TIMP2: variants seen among roughly 807,000 people sequenced by gnomAD.
TIMP2 encodes the protein TIMP metallopeptidase inhibitor 2.
Under a neutral mutation model 24.3 loss-of-function variants are expected in TIMP2, and 5 were observed. That is an observed-to-expected ratio of 0.21 (90% CI 0.11 to 0.43). TIMP2 has a LOEUF of 0.43. TIMP2 is among the 20% of genes least tolerant of loss of function. The probability of loss-of-function intolerance (pLI) is 1.00; values close to 1 mark genes in which losing one functional copy is unlikely to be tolerated. For missense variants in TIMP2, 221 were observed against 297.5 expected (o/e 0.74, Z 1.89); for synonymous variants, 130 against 123.2 (o/e 1.06, Z -0.37).
intron 1 of TIMP2, among the ~76,000 whole-genome samples, chr17:78,889,535 G>A (rs1282089145): frequency 6.6e-6 from 1 of 152,240 alleles, no homozygotes; most frequent in Non-Finnish European, 1.5e-5. Flanking sequence ...TAATGTCTCA[G>A]CCTTGGCTAA....
At chr17:78,905,594 G>A (rs919317247) in intron 1 of TIMP2, among the ~76,000 whole-genome samples, 6 of 152,216 alleles carry the variant, frequency 3.9e-5, no homozygotes, top group African/African-American at 1.4e-4. Flanking sequence ...CTAGGCCTTC[G>A]ATGGCCCTTG....
chr17:78,885,126 G>A (rs186967204), intron 1 of TIMP2, among the ~76,000 whole-genome samples: 41 of 152,336 alleles, frequency 2.7e-4, no homozygotes, highest in Non-Finnish European at 5.0e-4. Flanking sequence ...GGACCAACAG[G>A]GCGACCCACG....
chr17:78,912,409 G>C (rs754791988), intron 1 of TIMP2, among the ~76,000 whole-genome samples: 19 of 152,160 alleles, frequency 1.2e-4, no homozygotes, highest in Non-Finnish European at 2.2e-4. Context: ...AGATCAGAAA[G>C]GGCCAAATAA....
chr17:78,914,177 C>T (rs8080283), intron 1 of TIMP2, among the ~76,000 whole-genome samples: 67,869 of 151,936 alleles, frequency 0.45, 15,404 homozygotes, highest in Middle Eastern at 0.5. Context: ...CTTGAGTCCT[C>T]AGAGGCACAG....
chr17:78,856,003 G>A (rs953322516), intron 4 of TIMP2, 139 bp from the exon 5 acceptor site: 2 of 855,166 alleles, frequency 2.3e-6, no homozygotes, highest in Non-Finnish European at 3.7e-6. Flanking sequence ...CGAGACCCAC[G>A]GTTCCTGCAG....
intron 1 of TIMP2, chr17:78,901,780 C>T (rs1435263645): frequency 2.8e-6 from 2 of 717,108 alleles, no homozygotes; most frequent in Admixed American, 2.0e-5. Context: ...AGGGGTGGTA[C>T]TTACTGTGTG....
At position 78,894,381 on chromosome 17, in the gene TIMP2, C is replaced by T. The variant is rs1389490685; in HGVS notation, c.131-20462G>A. Among the ~76,000 whole-genome samples the T allele has an allele frequency of 3.3e-5, 5 of 152,074 alleles. No homozygotes were observed. In the East Asian group the frequency reaches 9.7e-4, roughly 29 times the overall value. The stretch of plus-strand genomic sequence containing the variant: ...TAAGTCTTCTAGTGGGAGGTCCTTG[C>T]ACCTCTTGGTAAATCAGATCACACA... On this transcript the variant is annotated intron_variant, in intron 1 of 4. Coordinates refer to ENST00000262768, the MANE Select transcript of TIMP2 (RefSeq NM_003255.5).
chr17:78,855,756 C>G lies in TIMP2; in HGVS notation c.574G>C (p.Ala192Pro). ...GAGCCGTCACTTCTCTTGATGCAGG[C>G]GAAGAACTTGGCCTGGTGCCCGTTG... ...NINGHQAKFF[A>P]CIKRSDGSCA... The change falls in exon 5 of 5, where the codon GCC (alanine) becomes CCC (proline). Residue 192 changes from alanine (A) to proline (P), a missense_variant. Ala to Pro is a conservative substitution (Grantham distance 27). Coordinates refer to ENST00000262768, the MANE Select transcript of TIMP2 (RefSeq NM_003255.5). The surrounding 1 kb of genome is among the most constrained non-coding windows in gnomAD (Gnocchi z 6.0). 1 of 1,614,172 alleles carries G rather than the reference C, an allele frequency of 6.2e-7. No homozygotes were observed. The highest frequency in any genetic ancestry group is 1.1e-5 in the South Asian group (1 of 91,084).
At chr17:78,889,468 T>C (rs1225037005) in intron 1 of TIMP2, among the ~76,000 whole-genome samples, 2 of 152,226 alleles carry the variant, frequency 1.3e-5, no homozygotes, top group African/African-American at 4.8e-5. Context: ...TTAAACAATG[T>C]TGGTTTTGTT....
At chr17:78,893,410 T>C (rs58034643) in intron 1 of TIMP2, among the ~76,000 whole-genome samples, 2,038 of 90,774 alleles carry the variant, frequency 0.022, 104 homozygotes, top group African/African-American at 0.16. Context: ...GGGGTGTGTG[T>C]GCATAGGGGT....
intron 1 of TIMP2, among the ~76,000 whole-genome samples, chr17:78,910,024 G>A (rs1261364001): frequency 6.6e-6 from 1 of 152,090 alleles, no homozygotes; most frequent in African/African-American, 2.4e-5. Context: ...ACACATAATT[G>A]TAATATTTAT....
At chr17:78,915,446 C>T (rs1165840981) in intron 1 of TIMP2, among the ~76,000 whole-genome samples, 1 of 152,122 alleles carries the variant, frequency 6.6e-6, no homozygotes, top group African/African-American at 2.4e-5. Flanking sequence ...CCATTCATCC[C>T]CAAGCCAGTA....
Position 78,892,126 on chromosome 17 carries a change from G to A in TIMP2, c.131-18207C>T, listed in dbSNP as rs773726980. On this transcript the variant is annotated intron_variant, in intron 1 of 4. Transcript: ENST00000262768. Reference sequence around the variant, plus strand: ...CTGACTGCAGCCTGTCCAGGCCACCGACGTGCAGGTGCTGTGCCTCCTGAT... The same window carrying A: ...CTGACTGCAGCCTGTCCAGGCCACCAACGTGCAGGTGCTGTGCCTCCTGAT... The A allele has an allele frequency of 3.8e-5, 59 of 1,550,990 alleles. No individual in the cohort carries two copies. In the Middle Eastern group the frequency reaches 1.0e-3, roughly 26 times the overall value.
At chr17:78,915,526 CT>C (rs11296863) in intron 1 of TIMP2, among the ~76,000 whole-genome samples, 83,549 of 146,950 alleles carry the variant, frequency 0.57, 23,577 homozygotes, top group Middle Eastern at 0.65. Context: ...TTTTTTTCTT[CT>C]TTTTTTTTTT....
chr17:78,872,271 A>G (rs554145931), intron 2 of TIMP2, among the ~76,000 whole-genome samples: 2 of 152,110 alleles, frequency 1.3e-5, no homozygotes, highest in East Asian at 3.9e-4. Flanking sequence ...GATTACAGGC[A>G]TAAGTCACTC....
At chr17:78,859,701 A>C (rs990967964) in intron 3 of TIMP2, among the ~76,000 whole-genome samples, 2 of 150,150 alleles carry the variant, frequency 1.3e-5, no homozygotes, top group African/African-American at 4.9e-5. Context: ...AATAAAAACT[A>C]ATCTTTCAGG....
rs935743754 is a variant in TIMP2 at position 78,854,943 on chromosome 17, T to C, written c.*724A>G. On this transcript the variant is annotated 3_prime_UTR_variant, in exon 5 of 5. Transcript: ENST00000262768. ...GGGCGGGGGGGGGGGGGTGGGGGGGTGGGTGCAGACCAAAAAGACTCAGCT... is the reference window on the plus strand; with the variant it reads ...GGGCGGGGGGGGGGGGGTGGGGGGGCGGGTGCAGACCAAAAAGACTCAGCT... 4.2e-3 allele frequency: 111 copies of C among 26,464 alleles called. 2 individuals are homozygous for C. Among genetic ancestry groups the C allele is most frequent in the African/African-American group, 0.017 (103 of 6,054 alleles). 1.6% of individuals were successfully genotyped at this position (26,464 alleles called of 1,614,324 possible).
chr17:78,921,535 A>G (rs1485634310), intron 1 of TIMP2, among the ~76,000 whole-genome samples: 1 of 152,244 alleles, frequency 6.6e-6, no homozygotes, highest in African/African-American at 2.4e-5. Flanking sequence ...AAGTGGCTCC[A>G]GGCATGGGAC....
intron 1 of TIMP2, among the ~76,000 whole-genome samples, chr17:78,900,564 T>C (rs2145783351): frequency 6.7e-6 from 1 of 149,990 alleles, no homozygotes; most frequent in East Asian, 2.0e-4. Flanking sequence ...AAAAAATGTG[T>C]TTTTTAATAA....
Sources: allele counts gnomAD v4.1 joint callset (sites outside exome capture counted in the v4.1 genomes callset), GRCh38; gene constraint gnomAD v4.1.1; non-coding constraint Gnocchi (gnomAD v3.1); transcripts MANE v1.5; gene names NCBI Gene and HGNC (gene_info 2026-07-23, HGNC 2026-07-21).